Variants in STARD13 observed in about 807,000 individuals in gnomAD.
STARD13 encodes StAR related lipid transfer domain containing 13, also known as stAR-related lipid transfer protein 13.
In STARD13, 62 loss-of-function variants were observed where a neutral mutation model predicts 106.4. The ratio of observed to expected loss-of-function variants is 0.58; its 90% confidence interval spans 0.48 to 0.72. The LOEUF is 0.72. Among genes scored for constraint, STARD13 ranks in the 30% least tolerant of loss-of-function variants. STARD13 has a pLI of 0.00. For missense variants in STARD13, 1,387 were observed against 1,424.0 expected, an observed-to-expected ratio of 0.97 and a Z score of 0.42; for synonymous variants, 565 against 553.0, an observed-to-expected ratio of 1.02 and a Z score of -0.31.
chr13:33,528,243 C>CATATAT, the STARD13 span, among the ~76,000 whole-genome samples: 711 of 93,384 alleles, frequency 7.6e-3, 26 homozygotes, highest in African/African-American at 0.041. Context: ...TATATATATA[C>CATATAT]ATATATATAT....
the STARD13 span, among the ~76,000 whole-genome samples, chr13:33,381,204 A>G: frequency 1.1e-4 from 16 of 152,352 alleles, no homozygotes; most frequent in Non-Finnish European, 1.6e-4. Context: ...TAAAAATATT[A>G]AACACTTTGA....
chr13:33,284,176 C>T (rs7983466), intron 1 of STARD13, among the ~76,000 whole-genome samples: 83,272 of 152,018 alleles, frequency 0.55, 23,473 homozygotes, highest in Non-Finnish European at 0.61. Context: ...AGAGTTTATG[C>T]AATGACATAA....
chr13:33,188,041 C>G (rs139017718), intron 1 of STARD13: 27 of 152,332 alleles, frequency 1.8e-4, no homozygotes, highest in African/African-American at 5.8e-4. Flanking sequence ...ATGGGATAGA[C>G]CTTTGAGTGG....
chr13:33,304,811 AGCATCTCCTCTATATAG>A (rs1435514312), intron 1 of STARD13, among the ~76,000 whole-genome samples: 2 of 152,162 alleles, frequency 1.3e-5, no homozygotes, highest in African/African-American at 4.8e-5. Context: ...GTTTACTTTT[AGCATCTCCTCTATATAG>A]GCTAAAAAGG....
intron 1 of STARD13, among the ~76,000 whole-genome samples, chr13:33,315,712 AT>A (rs1452279310): frequency 2.0e-5 from 3 of 152,208 alleles, no homozygotes; most frequent in Non-Finnish European, 4.4e-5. Flanking sequence ...CTACCTTTTA[AT>A]TTTGCTAGGT....
intron 1 of STARD13, among the ~76,000 whole-genome samples, chr13:33,227,682 A>G (rs1045238682): frequency 2.0e-5 from 3 of 152,156 alleles, no homozygotes; most frequent in Non-Finnish European, 4.4e-5. Flanking sequence ...GGACATGACT[A>G]TGGAGGGGGT....
At chr13:33,163,709 A>T (rs1396298289) in intron 3 of STARD13, among the ~76,000 whole-genome samples, 15 of 134,542 alleles carry the variant, frequency 1.1e-4, no homozygotes, top group South Asian at 2.3e-4. Context: ...CATATATATA[A>T]AACATATATA....
chr13:33,165,676 A>T (rs1883232750), intron 2 of STARD13, among the ~76,000 whole-genome samples: 1 of 152,210 alleles, frequency 6.6e-6, no homozygotes, highest in Non-Finnish European at 1.5e-5. Context: ...GCATTTTTCT[A>T]GCTCATCCTT....
At chr13:33,650,158 A>G in the STARD13 span, among the ~76,000 whole-genome samples, 1 of 96,072 alleles carries the variant, frequency 1.0e-5, no homozygotes, top group African/African-American at 3.9e-5. Context: ...ATGTGACGTG[A>G]CTCCAATTTT....
chr13:33,203,055 A>T (rs145565786), intron 1 of STARD13, among the ~76,000 whole-genome samples: 494 of 152,366 alleles, frequency 3.2e-3, no homozygotes, highest in Non-Finnish European at 4.2e-3. Flanking sequence ...TTTCATGCAC[A>T]TTATGTCATA....
intron 3 of STARD13, among the ~76,000 whole-genome samples, chr13:33,163,699 C>CATATATATAAAACATATATATATATAAG (rs1882989625): frequency 2.1e-5 from 2 of 95,422 alleles, no homozygotes; most frequent in Non-Finnish European, 4.1e-5. Flanking sequence ...ATATATATAA[C>CATATATATAAAACATATATATATATAAG]ATATATATAA....
the STARD13 span, among the ~76,000 whole-genome samples, chr13:33,667,738 A>G: frequency 6.6e-6 from 1 of 152,258 alleles, no homozygotes. Flanking sequence ...CTTCATTGGT[A>G]ACAATGTTTT....
chr13:33,370,680 G>A, the STARD13 span, among the ~76,000 whole-genome samples: 7 of 144,940 alleles, frequency 4.8e-5, no homozygotes, highest in South Asian at 2.1e-4. Flanking sequence ...GTATAGTGGC[G>A]CAACCTTGGC....
At chr13:33,272,577 G>A (rs1050573253) in intron 1 of STARD13, 5 of 152,136 alleles carry the variant, frequency 3.3e-5, no homozygotes, top group Non-Finnish European at 7.3e-5. Context: ...TCTTTTCATG[G>A]GTGATTCAGT....
chr13:33,229,330 A>G (rs368501383), intron 1 of STARD13, among the ~76,000 whole-genome samples: 21 of 152,186 alleles, frequency 1.4e-4, no homozygotes, highest in Non-Finnish European at 2.2e-4. Flanking sequence ...AACCGACCCT[A>G]TGGTGAAGAC....
chr13:33,415,415 G>T, the STARD13 span, among the ~76,000 whole-genome samples: 1 of 152,136 alleles, frequency 6.6e-6, no homozygotes, highest in East Asian at 1.9e-4. Context: ...CATGGTTGCT[G>T]GGCAGTGGCA....
At chr13:33,545,347 G>A in the STARD13 span, among the ~76,000 whole-genome samples, 1 of 152,050 alleles carries the variant, frequency 6.6e-6, no homozygotes, top group Non-Finnish European at 1.5e-5. Context: ...CGCCTGCCTC[G>A]GCTTCCCAAA....
the STARD13 span, among the ~76,000 whole-genome samples, chr13:33,442,575 C>T: frequency 7.9e-5 from 12 of 151,974 alleles, no homozygotes; most frequent in East Asian, 1.9e-4. Context: ...ATTTCAAGTG[C>T]GAGGTATCAT....
chr13:33,444,349 T>G, the STARD13 span, among the ~76,000 whole-genome samples: 1 of 152,186 alleles, frequency 6.6e-6, no homozygotes, highest in East Asian at 1.9e-4. Context: ...TCATGGATAA[T>G]TCTCATGGAA....
Sources: allele counts gnomAD v4.1 joint callset (sites outside exome capture counted in the v4.1 genomes callset), GRCh38; gene constraint gnomAD v4.1.1; transcripts MANE v1.5; gene names NCBI Gene and HGNC (gene_info 2026-07-23, HGNC 2026-07-21).